The following TSHZ2 variants were observed in gnomAD, a reference collection of about 807,000 sequenced individuals.
TSHZ2 encodes the protein teashirt homolog 2.
TSHZ2 carries 21 observed loss-of-function variants against 74.4 expected under a neutral mutation model. The ratio of observed to expected loss-of-function variants is 0.28; its 90% CI spans 0.20 to 0.41. TSHZ2 has a LOEUF of 0.41. TSHZ2 is among the 10% of genes least tolerant of loss of function. The pLI, the probability that TSHZ2 is intolerant of heterozygous loss-of-function variation, is 1.00. For synonymous variants in TSHZ2, 540 were observed against 515.3 expected (o/e 1.05, Z -0.65); for missense variants, 1,244 against 1,293.5 (o/e 0.96, Z 0.59).
At chr20:52,981,532 A>G (rs948972500) in intron 1 of TSHZ2, among the ~76,000 whole-genome samples, 3 of 152,176 alleles carry the variant, frequency 2.0e-5, no homozygotes, top group African/African-American at 4.8e-5. Context: ...TAACCAGACT[A>G]TGGAAAATTT....
At chr20:53,023,936 T>TA (rs1270152888) in intron 1 of TSHZ2, among the ~76,000 whole-genome samples, 1 of 152,136 alleles carries the variant, frequency 6.6e-6, no homozygotes, top group African/African-American at 2.4e-5. Flanking sequence ...CCATTAGTGT[T>TA]AAATGTCTGT....
chr20:53,148,453 T>C (rs1426538206), intron 1 of TSHZ2, among the ~76,000 whole-genome samples: 1 of 152,186 alleles, frequency 6.6e-6, no homozygotes, highest in Admixed American at 6.5e-5. Flanking sequence ...AAATCCTGCA[T>C]AGGAAGAATT....
chr20:53,229,113 C>T (rs964837231), intron 1 of TSHZ2, among the ~76,000 whole-genome samples: 4 of 152,118 alleles, frequency 2.6e-5, no homozygotes, highest in Admixed American at 6.6e-5. Flanking sequence ...CCTCTAGAAA[C>T]GGGCTGAAGG....
At chr20:53,105,062 C>A (rs902972668) in intron 1 of TSHZ2, among the ~76,000 whole-genome samples, 3 of 152,174 alleles carry the variant, frequency 2.0e-5, no homozygotes, top group African/African-American at 7.2e-5. Flanking sequence ...GAGATTTCTG[C>A]ATTCCTAGAT....
chr20:53,415,285 G>T (rs1448195998), intron 2 of TSHZ2, among the ~76,000 whole-genome samples: 1 of 152,150 alleles, frequency 6.6e-6, no homozygotes, highest in African/African-American at 2.4e-5. Context: ...GTAGTCTAAT[G>T]AATGTCTTAA....
chr20:53,224,590 C>G (rs941697205), intron 1 of TSHZ2, among the ~76,000 whole-genome samples: 1 of 152,168 alleles, frequency 6.6e-6, no homozygotes, highest in South Asian at 2.1e-4. Context: ...TGACTCATGC[C>G]TGTAATCCCA....
chr20:53,183,661 T>A (rs1988533992), intron 1 of TSHZ2, among the ~76,000 whole-genome samples: 1 of 152,188 alleles, frequency 6.6e-6, no homozygotes, highest in South Asian at 2.1e-4. Flanking sequence ...CTCAGGAGTT[T>A]CCTGGAATGC....
chr20:53,208,523 G>A (rs1475674973), intron 1 of TSHZ2: 1 of 152,136 alleles, frequency 6.6e-6, no homozygotes, highest in Non-Finnish European at 1.5e-5. Flanking sequence ...AACCCTCCGA[G>A]AGCACATTTC....
At chr20:53,132,306 G>A (rs1987125924) in intron 1 of TSHZ2, among the ~76,000 whole-genome samples, 3 of 146,292 alleles carry the variant, frequency 2.1e-5, no homozygotes, top group African/African-American at 7.9e-5. Context: ...TATTCTTTCT[G>A]CCCCTAATTT....
In TSHZ2 at chr20:53,473,694, C is replaced by T. The variant is rs1204227333; in HGVS notation, c.*9-13450C>T. The stretch of plus-strand genomic sequence containing the variant: ...CGAGCTGAGAGAAAAAGGCTTCAGA[C>T]GATCAAATTACTCTGAGCTACGGGA... On this transcript the variant is annotated intron_variant, in intron 2 of 2. Coordinates refer to ENST00000371497, the MANE Select transcript of TSHZ2 (RefSeq NM_173485.6). 9.2e-5 allele frequency among the ~76,000 whole-genome samples: 14 copies of T among 151,708 alleles called. No homozygotes were observed. In the East Asian group the frequency reaches 1.2e-3, roughly 13 times the overall value.
chr20:53,202,782 A>G (rs981199221), intron 1 of TSHZ2, among the ~76,000 whole-genome samples: 8 of 152,176 alleles, frequency 5.3e-5, no homozygotes, highest in South Asian at 2.1e-4. Context: ...ATTGGAAGCT[A>G]GCAAGACTTA....
intron 1 of TSHZ2, among the ~76,000 whole-genome samples, chr20:53,196,066 G>A (rs778128331): frequency 1.3e-5 from 2 of 152,160 alleles, no homozygotes; most frequent in Non-Finnish European, 2.9e-5. Flanking sequence ...CTTCTGTCGG[G>A]TCTCTGTTGT....
rs903303197 is a variant in TSHZ2 at position 53,048,619 on chromosome 20, G to A, written c.40+75286G>A. Among the ~76,000 whole-genome samples, 7 of 152,300 alleles carry A rather than the reference G, an allele frequency of 4.6e-5. No homozygotes were observed. In the East Asian group the frequency reaches 7.7e-4, roughly 17 times the overall value. ...GTGGGCAGCAGGAAAGTTTCCGGCG[G>A]ATGACCTCAGACCCTCTCCATAGAG... On this transcript the variant is annotated intron_variant, in intron 1 of 2. Transcript: ENST00000371497.
At chr20:53,445,493 G>A (rs867084530) in intron 2 of TSHZ2, among the ~76,000 whole-genome samples, 25 of 152,202 alleles carry the variant, frequency 1.6e-4, no homozygotes, top group African/African-American at 6.0e-4. Flanking sequence ...CCATGAGCTA[G>A]TGGAAAATGT....
intron 1 of TSHZ2, among the ~76,000 whole-genome samples, chr20:53,051,456 C>T (rs776015221): frequency 2.4e-5 from 3 of 126,206 alleles, no homozygotes; most frequent in African/African-American, 3.9e-5. Context: ...CTGTGGCGCA[C>T]GCACACACAC....
chr20:53,206,943 G>A (rs887750567), intron 1 of TSHZ2, among the ~76,000 whole-genome samples: 1 of 152,120 alleles, frequency 6.6e-6, no homozygotes, highest in Non-Finnish European at 1.5e-5. Context: ...CTTGTTTGTG[G>A]ATTCACTGAT....
intron 2 of TSHZ2, among the ~76,000 whole-genome samples, chr20:53,343,036 A>AGCTCACTGCAATCTCC (rs1980280953): frequency 1.5e-5 from 2 of 129,978 alleles, no homozygotes; most frequent in Non-Finnish European, 3.1e-5. Context: ...GCACAATCTC[A>AGCTCACTGCAATCTCC]GCTCACTGCA....
chr20:53,236,608 G>A (rs73911227), intron 1 of TSHZ2, among the ~76,000 whole-genome samples: 2,795 of 152,260 alleles, frequency 0.018, 100 homozygotes, highest in African/African-American at 0.064. Context: ...TTCAAAGCTA[G>A]ATTCAATCAG....
rs1418870431 is a variant in TSHZ2, at chr20:53,074,358, G to A, written c.40+101025G>A. ...TGGATTTTGAGTTTCCAGAGGGCTA[G>A]GACCAGGATTCATGGGTCTTTGTGT... On this transcript the variant is annotated intron_variant, in intron 1 of 2. Transcript: ENST00000371497. This position sits in a 1 kb window ranked among gnomAD's most constrained non-coding sequence, Gnocchi z 5.9. Among the ~76,000 whole-genome samples the A allele has an allele frequency of 6.6e-6, 1 of 152,202 alleles. No individual in the cohort carries two copies. The highest frequency in any genetic ancestry group is 1.5e-5 in the Non-Finnish European group (1 of 68,032).
Sources: gnomAD v4.1 joint callset for allele counts (sites outside exome capture counted in the v4.1 genomes callset) on GRCh38, gnomAD v4.1.1 for gene constraint, Gnocchi (gnomAD v3.1) non-coding constraint, MANE v1.5 for transcripts, NCBI Gene and HGNC (gene_info 2026-07-23, HGNC 2026-07-21) for gene names.